The following PCDHGB5 variants were observed in gnomAD, a reference collection of about 807,000 sequenced individuals.
PCDHGB5 encodes protocadherin gamma subfamily B, 5.
A neutral mutation model predicts 62.9 loss-of-function variants in PCDHGB5; 48 were observed. The ratio of observed to expected loss-of-function variants is 0.76; its 90% CI spans 0.61 to 0.97. The LOEUF is 0.97. Ranked by LOEUF, PCDHGB5 falls within the 50% of genes least tolerant of loss-of-function variation. PCDHGB5 has a pLI of 0.00. For synonymous variants in PCDHGB5, 474 were observed against 511.2 expected (o/e 0.93, Z 0.98); for missense variants, 1,118 against 1,198.6 (o/e 0.93, Z 0.99).
intron 1 of PCDHGB5, chr5:141,422,560 G>T (rs2096656228): frequency 6.2e-7 from 1 of 1,614,032 alleles, no homozygotes; most frequent in East Asian, 2.2e-5. Context: ...GAATGTGGCA[G>T]ATGACAACGA....
chr5:141,493,340 T>C lies in PCDHGB5; in HGVS notation c.2398-1467T>C, dbSNP rs889623993. Among the ~76,000 whole-genome samples, 1 of 152,202 alleles carries C rather than the reference T, an allele frequency of 6.6e-6. No homozygotes were observed. Among genetic ancestry groups the C allele is most frequent in the Admixed American group, 6.5e-5 (1 of 15,288 alleles). Reference sequence around the variant, plus strand: ...TTCTAACCCCTGTCTAACTCCAGAATGTGTGCTTTTAATTTCTTGGCACTT... The same window carrying C: ...TTCTAACCCCTGTCTAACTCCAGAACGTGTGCTTTTAATTTCTTGGCACTT... On this transcript the variant is annotated intron_variant, in intron 1 of 3. Coordinates refer to ENST00000617380, the MANE Select transcript of PCDHGB5 (RefSeq NM_018925.3). The surrounding 1 kb of genome is among the most constrained non-coding windows in gnomAD (Gnocchi z 4.3).
chr5:141,476,619 CTT>C lies in PCDHGB5; in HGVS notation c.2398-18186_2398-18185del. Reference sequence around the variant, plus strand: ...CACGATCCCGATGTGGGAAGCAACTCTTTACAAACCTATGAGCTGAGCCGAAA... The same window carrying C: ...CACGATCCCGATGTGGGAAGCAACTCTACAAACCTATGAGCTGAGCCGAAA... On this transcript the variant is annotated intron_variant, in intron 1 of 3. Transcript: ENST00000617380. This position sits in a 1 kb window ranked among gnomAD's most constrained non-coding sequence, Gnocchi z 7.6. The C allele has an allele frequency of 1.2e-6, 2 of 1,614,258 alleles. No homozygotes were observed. The highest frequency in any genetic ancestry group is 1.7e-6 in the Non-Finnish European group (2 of 1,180,052).
chr5:141,399,134 A>G lies in PCDHGB5; in HGVS notation c.1007A>G (p.Glu336Gly), dbSNP rs2093758534. 3.7e-6 allele frequency: 6 copies of G among 1,613,856 alleles called. No homozygotes were observed. The highest frequency in any genetic ancestry group is 5.1e-6 in the Non-Finnish European group (6 of 1,179,870). Residue 336 changes from glutamate to glycine, a missense_variant, in exon 1 of 4, where the codon GAA (glutamate) becomes GGA (glycine). Physicochemically the swap from Glu to Gly is moderately conservative, Grantham distance 98. Coordinates refer to ENST00000617380, the MANE Select transcript of PCDHGB5 (RefSeq NM_018925.3). ...ACAGTTGAAATTAATATTCAAGATG[A>G]AAATGACAATAGCCCAGAAGTTACA... ...QCTVEINIQD[E>G]NDNSPEVTFH... is the part of the protein sequence containing the mutation.
chr5:141,432,133 C>T lies in PCDHGB5; in HGVS notation c.2397+31609C>T, dbSNP rs1468632362. The stretch of plus-strand genomic sequence containing the variant: ...CGGTCTTCCCTCAGGCCTCCTATTC[C>T]GCTTATATCCCAGAGAACAATCCCA... On this transcript the variant is annotated intron_variant, in intron 1 of 3. Transcript: ENST00000617380. This position sits in a 1 kb window ranked among gnomAD's most constrained non-coding sequence, Gnocchi z 6.0. 9 of 1,614,142 alleles carry T rather than the reference C, an allele frequency of 5.6e-6. No homozygotes were observed. The highest frequency in any genetic ancestry group is 1.6e-4 in the Middle Eastern group (1 of 6,062).
rs201408987 is a variant in PCDHGB5, at chr5:141,476,857, C to T, written c.2398-17950C>T. 12 of 1,613,768 alleles carry T rather than the reference C, an allele frequency of 7.4e-6. No individual in the cohort carries two copies. The highest frequency in any genetic ancestry group is 1.0e-5 in the Non-Finnish European group (12 of 1,180,054). ...ACAATGCGCCTGTCTTCAACCAGTC[C>T]TTGTACCGGGCGCGCGTCCTGGAGG... On this transcript the variant is annotated intron_variant, in intron 1 of 3. Transcript: ENST00000617380. The surrounding 1 kb of genome is among the most constrained non-coding windows in gnomAD (Gnocchi z 7.6).
rs2098995125 is a variant in PCDHGB5 at position 141,460,673 on chromosome 5, A to G, written c.2398-34134A>G. 2.6e-5 allele frequency among the ~76,000 whole-genome samples: 4 copies of G among 152,244 alleles called. No homozygotes were observed. The South Asian group carries it at 8.3e-4, about 32-fold the overall frequency. On this transcript the variant is annotated intron_variant, in intron 1 of 3. Coordinates refer to ENST00000617380, the MANE Select transcript of PCDHGB5 (RefSeq NM_018925.3). ...CATATGTAACTGTAAACACAGTTAT[A>G]TATCTATATATCCACCAACAGTTGA... is the stretch of plus-strand genomic sequence containing the variant.
At chr5:141,474,215 A>G (rs1393533136) in intron 1 of PCDHGB5, among the ~76,000 whole-genome samples, 1 of 152,216 alleles carries the variant, frequency 6.6e-6, no homozygotes, top group East Asian at 1.9e-4. Context: ...CAAAAACCAG[A>G]TTGTGAATTA....
intron 1 of PCDHGB5, among the ~76,000 whole-genome samples, chr5:141,449,030 G>C (rs2098623784): frequency 6.6e-6 from 1 of 152,012 alleles, no homozygotes; most frequent in Non-Finnish European, 1.5e-5. Context: ...GCATTCCTTT[G>C]GATTATTAAC....
intron 1 of PCDHGB5, among the ~76,000 whole-genome samples, chr5:141,448,040 C>T (rs892207188): frequency 6.6e-6 from 1 of 151,850 alleles, no homozygotes; most frequent in Admixed American, 6.6e-5. Context: ...GAGCCAAGAT[C>T]ATGCCATTGC....
At position 141,491,960 on chromosome 5, in the gene PCDHGB5, A is replaced by T. The variant is rs1380758016; in HGVS notation, c.2398-2847A>T. The T allele has an allele frequency of 1.0e-6, 1 of 984,842 alleles. No individual in the cohort carries two copies. The highest frequency in any genetic ancestry group is 3.0e-5 in the East Asian group (1 of 33,312). 61.0% of individuals were successfully genotyped at this position (984,842 alleles called of 1,614,324 possible). A position where few individuals can be genotyped will look rare whatever the true frequency, so the allele number is the denominator to read the frequency against. On this transcript the variant is annotated intron_variant, in intron 1 of 3. Coordinates refer to ENST00000617380, the MANE Select transcript of PCDHGB5 (RefSeq NM_018925.3). The surrounding 1 kb of genome is among the most constrained non-coding windows in gnomAD (Gnocchi z 6.9). ...CGACCCCCACCCCTACACTCAAAAA[A>T]GGCCGGGGCCTCCTTCGAGCTTCCG...
chr5:141,409,231 C>T (rs756486864), intron 1 of PCDHGB5: 7 of 1,613,926 alleles, frequency 4.3e-6, no homozygotes, highest in Admixed American at 3.3e-5. Flanking sequence ...AAAACGACAA[C>T]AGCCCAGAAA....
At chr5:141,497,807 T>G (rs2099779585) in intron 2 of PCDHGB5, among the ~76,000 whole-genome samples, 1 of 152,210 alleles carries the variant, frequency 6.6e-6, no homozygotes, top group African/African-American at 2.4e-5. Context: ...CCCAAAGTGC[T>G]AGAATTACAG....
At chr5:141,500,450 C>A (rs2099800340) in intron 2 of PCDHGB5, among the ~76,000 whole-genome samples, 1 of 152,072 alleles carries the variant, frequency 6.6e-6, no homozygotes, top group Non-Finnish European at 1.5e-5. Flanking sequence ...ACCTCGTGAT[C>A]CGCCCGCCTC....
chr5:141,510,978 G>A lies in PCDHGB5; in HGVS notation c.2577G>A (p.Gly859=), dbSNP rs2099883535. 1.2e-6 allele frequency: 2 copies of A among 1,614,160 alleles called. No homozygotes were observed. The change falls in exon 4 of 4, where the codon GGG becomes GGA. Residue 859 remains glycine, a synonymous_variant. Transcript: ENST00000617380. The part of the protein sequence containing the change: ...EAADGSSTLG[G]GAGTMGLSAR... Reference sequence around the variant, plus strand: ...CTGATGGGAGCTCCACCCTGGGAGGGGGTGCCGGCACCATGGGATTGAGCG... The same window carrying A: ...CTGATGGGAGCTCCACCCTGGGAGGAGGTGCCGGCACCATGGGATTGAGCG...
At position 141,486,370 on chromosome 5, in the gene PCDHGB5, T is replaced by C. The variant is rs755925357; in HGVS notation, c.2398-8437T>C. Reference sequence around the variant, plus strand: ...ACCACTTGCCATTTGCCCTCAAGTCTGCCTTCAGGAACCAGTTCTCCCTGG... The same window carrying C: ...ACCACTTGCCATTTGCCCTCAAGTCCGCCTTCAGGAACCAGTTCTCCCTGG... On this transcript the variant is annotated intron_variant, in intron 1 of 3. Coordinates refer to ENST00000617380, the MANE Select transcript of PCDHGB5 (RefSeq NM_018925.3). The surrounding 1 kb of genome is among the most constrained non-coding windows in gnomAD (Gnocchi z 5.0). 8 of 1,613,988 alleles carry C rather than the reference T, an allele frequency of 5.0e-6. No individual in the cohort carries two copies. The Admixed American group carries it at 1.3e-4, about 27-fold the overall frequency.
At chr5:141,407,429 C>T (rs2094929018) in intron 1 of PCDHGB5, among the ~76,000 whole-genome samples, 1 of 151,532 alleles carries the variant, frequency 6.6e-6, no homozygotes, top group Admixed American at 6.6e-5. Flanking sequence ...ATGTCTCTTG[C>T]CCTTAAAACC....
chr5:141,488,540 A>C (rs901890616), intron 1 of PCDHGB5, among the ~76,000 whole-genome samples: 6 of 152,146 alleles, frequency 3.9e-5, no homozygotes, highest in Admixed American at 2.0e-4. Context: ...GCTAAGTCCC[A>C]TGTCAGCTGA....
At chr5:141,420,353 G>C (rs1281948860) in intron 1 of PCDHGB5, 1 of 1,382,260 alleles carries the variant, frequency 7.2e-7, no homozygotes, top group African/African-American at 1.5e-5. Context: ...ATTATTTTAA[G>C]ATTCTAGATA....
intron 1 of PCDHGB5, chr5:141,419,861 T>G (rs749551833): frequency 6.2e-7 from 1 of 1,614,098 alleles, no homozygotes; most frequent in Non-Finnish European, 8.5e-7. Context: ...CGCAGATAGC[T>G]TGCAAGAGGT....
Sources: gnomAD v4.1 joint callset for allele counts (sites outside exome capture counted in the v4.1 genomes callset) on GRCh38, gnomAD v4.1.1 for gene constraint, Gnocchi (gnomAD v3.1) non-coding constraint, MANE v1.5 for transcripts, NCBI Gene and HGNC (gene_info 2026-07-23, HGNC 2026-07-21) for gene names.